Variants in TANGO6 observed in about 807,000 individuals in gnomAD.
The protein encoded by TANGO6 is transport and golgi organization 6 homolog.
Under a neutral mutation model 114.2 loss-of-function variants are expected in TANGO6, and 90 were observed. That is an observed-to-expected ratio of 0.79 (90% CI 0.66 to 0.94). The LOEUF (loss-of-function observed/expected upper bound fraction) is 0.94, where lower values mean the gene tolerates loss of function less well. Among genes scored for constraint, TANGO6 ranks in the 40% least tolerant of loss-of-function variants. The pLI is 0.00. For synonymous variants in TANGO6, 477 were observed against 509.8 expected (o/e 0.94, Z 0.87); for missense variants, 1,274 against 1,315.3 (o/e 0.97, Z 0.49).
At chr16:68,866,283 A>C (rs971805047) in intron 3 of TANGO6, among the ~76,000 whole-genome samples, 1 of 151,950 alleles carries the variant, frequency 6.6e-6, no homozygotes. Flanking sequence ...GCTCTTTTGA[A>C]GTCTGTATAG....
At chr16:69,024,497 G>C (rs116000540) in intron 16 of TANGO6, among the ~76,000 whole-genome samples, 215 of 152,088 alleles carry the variant, frequency 1.4e-3, no homozygotes, top group African/African-American at 4.6e-3. Context: ...TTGAACTCCT[G>C]CCTTTGTGAT....
At chr16:69,003,307 C>T (rs1256556704) in intron 15 of TANGO6, among the ~76,000 whole-genome samples, 1 of 152,000 alleles carries the variant, frequency 6.6e-6, no homozygotes, top group African/African-American at 2.4e-5. Context: ...AGAAGCTGCC[C>T]ATAGAGGGAA....
At chr16:68,861,039 T>C (rs1301933660) in intron 2 of TANGO6, among the ~76,000 whole-genome samples, 1 of 152,188 alleles carries the variant, frequency 6.6e-6, no homozygotes, top group Non-Finnish European at 1.5e-5. Context: ...TATATGCCCA[T>C]TTTTGCTGTC....
intron 1 of TANGO6, among the ~76,000 whole-genome samples, chr16:68,854,064 G>A (rs1378762930): frequency 6.6e-6 from 1 of 152,038 alleles, no homozygotes. Context: ...CCTATCTGTG[G>A]CTTGCCTTTT....
chr16:68,965,674 A>G (rs1298979525), intron 14 of TANGO6, among the ~76,000 whole-genome samples: 1 of 151,600 alleles, frequency 6.6e-6, no homozygotes, highest in Non-Finnish European at 1.5e-5. Flanking sequence ...GGTGGCATGC[A>G]CCTGTAATCC....
At chr16:68,853,194 C>G (rs1195309113) in intron 1 of TANGO6, among the ~76,000 whole-genome samples, 1 of 151,494 alleles carries the variant, frequency 6.6e-6, no homozygotes, top group East Asian at 1.9e-4. Flanking sequence ...ATGAGAATCA[C>G]TTGAACCCAG....
chr16:68,905,781 G>T (rs1962842031), intron 9 of TANGO6, among the ~76,000 whole-genome samples: 1 of 152,018 alleles, frequency 6.6e-6, no homozygotes, highest in South Asian at 2.1e-4. Flanking sequence ...GCTGAAGTGG[G>T]AGGATTGCCT....
chr16:68,891,684 C>A (rs1326726243), intron 7 of TANGO6, among the ~76,000 whole-genome samples: 1 of 152,132 alleles, frequency 6.6e-6, no homozygotes, highest in African/African-American at 2.4e-5. Flanking sequence ...AATGTACAGT[C>A]CAGCTTTGCT....
chr16:69,083,357 C>A, intron 17 of TANGO6, 128 bp from the exon 18 acceptor site: 4 of 1,219,100 alleles, frequency 3.3e-6, no homozygotes, highest in Non-Finnish European at 2.2e-6. Flanking sequence ...CTGCACCCAG[C>A]CACATTATCT....
At chr16:68,909,063 C>T (rs897419663) in intron 10 of TANGO6, 148 bp from the exon 11 acceptor site, 1 of 614,800 alleles carries the variant, frequency 1.6e-6, no homozygotes. Context: ...TAGCTTGTCT[C>T]CAAGTTTTGG....
At chr16:69,059,291 C>T (rs947334508) in intron 17 of TANGO6, among the ~76,000 whole-genome samples, 1 of 151,948 alleles carries the variant, frequency 6.6e-6, no homozygotes, top group African/African-American at 2.4e-5. Context: ...AGGCTGGTCT[C>T]GAACTCCTGA....
intron 7 of TANGO6, among the ~76,000 whole-genome samples, chr16:68,881,334 C>A (rs113829402): frequency 6.6e-6 from 1 of 151,500 alleles, no homozygotes; most frequent in Non-Finnish European, 1.5e-5. Flanking sequence ...GCCAATATGG[C>A]GAAACCCTAT....
intron 15 of TANGO6, among the ~76,000 whole-genome samples, chr16:69,019,424 T>C (rs1045961131): frequency 1.3e-5 from 2 of 152,202 alleles, no homozygotes; most frequent in African/African-American, 4.8e-5. Context: ...ATGTTAGGAA[T>C]TGGGAGCATT....
intron 14 of TANGO6, 30 bp from the exon 15 acceptor site, chr16:68,973,998 T>C (rs1478308302): frequency 6.3e-7 from 1 of 1,575,198 alleles, no homozygotes; most frequent in Non-Finnish European, 8.6e-7. Flanking sequence ...TAAACAGTAA[T>C]GAATCCTTTC....
intron 14 of TANGO6, among the ~76,000 whole-genome samples, chr16:68,952,134 T>C (rs146875295): frequency 4.5e-4 from 68 of 152,306 alleles, no homozygotes; most frequent in African/African-American, 1.6e-3. Context: ...ATGTCCACTT[T>C]ACAAGCTATT....
chr16:68,977,004 G>T (rs1288615730), intron 15 of TANGO6, among the ~76,000 whole-genome samples: 1 of 152,172 alleles, frequency 6.6e-6, no homozygotes, highest in Non-Finnish European at 1.5e-5. Flanking sequence ...TTGTCTGTGA[G>T]CTATAGTAAA....
chr16:69,065,814 TG>T (rs1242532069), intron 17 of TANGO6, among the ~76,000 whole-genome samples: 1 of 152,186 alleles, frequency 6.6e-6, no homozygotes, highest in Non-Finnish European at 1.5e-5. Context: ...AGGTTTGAAT[TG>T]GCCCTAATTT....
At chr16:69,017,410 A>G (rs147565077) in intron 15 of TANGO6, among the ~76,000 whole-genome samples, 28 of 152,294 alleles carry the variant, frequency 1.8e-4, no homozygotes, top group Middle Eastern at 3.4e-3. Context: ...ATAAGCCACT[A>G]TATTAGTAAA....
intron 17 of TANGO6, among the ~76,000 whole-genome samples, chr16:69,066,021 C>T (rs898200748): frequency 6.6e-6 from 1 of 152,160 alleles, no homozygotes; most frequent in Non-Finnish European, 1.5e-5. Context: ...TCTGCTTCCC[C>T]GGCAGAATTC....
Sources: allele counts gnomAD v4.1 joint callset (sites outside exome capture counted in the v4.1 genomes callset), GRCh38; gene constraint gnomAD v4.1.1; transcripts MANE v1.5; gene names NCBI Gene and HGNC (gene_info 2026-07-23, HGNC 2026-07-21).